The following KIF1C variants were observed in gnomAD, a reference collection of about 807,000 sequenced individuals.
KIF1C encodes the protein kinesin family member 1C.
In KIF1C, 61 loss-of-function variants were observed where a neutral mutation model predicts 126.5. The ratio of observed to expected loss-of-function variants is 0.48; its 90% CI spans 0.39 to 0.60. The LOEUF is 0.60. Among genes scored for constraint, KIF1C ranks in the 20% least tolerant of loss-of-function variants. The pLI is 0.00. For synonymous variants in KIF1C, 640 were observed against 580.6 expected (o/e 1.10, Z -1.47); for missense variants, 1,315 against 1,489.2 (o/e 0.88, Z 1.93).
intron 2 of KIF1C, 84 bp from the exon 3 acceptor site, chr17:5,000,136 G>C: frequency 1.3e-6 from 1 of 741,254 alleles, no homozygotes; most frequent in Non-Finnish European, 2.3e-6. Flanking sequence ...GATGTGAAGA[G>C]ACTGGTTCCG....
rs544549053 is a variant in KIF1C, at chr17:5,019,967, C to T, written c.1667-29C>T. Reference sequence around the variant, plus strand: ...GACCCACCTTCCTCCAGGGTCTAATCTTTCCCCTTCCTCTGCCCCTCCATT... The same window carrying T: ...GACCCACCTTCCTCCAGGGTCTAATTTTTCCCCTTCCTCTGCCCCTCCATT... On this transcript the variant is annotated intron_variant, in intron 18 of 22. Transcript: ENST00000320785. 2.9e-5 allele frequency: 46 copies of T among 1,566,114 alleles called. No individual in the cohort carries two copies. The Middle Eastern group carries it at 1.0e-3, about 34-fold the overall frequency.
Position 5,020,375 on chromosome 17 carries a change from G to C in KIF1C, c.1751-117G>C, listed in dbSNP as rs1975060771. ...ATAGGCTCCAACTGCCTTCAGACTT[G>C]GGGTGATGAAGGGGAGGGTGTCACA... On this transcript the variant is annotated intron_variant, in intron 19 of 22. Coordinates refer to ENST00000320785, the MANE Select transcript of KIF1C (RefSeq NM_006612.6). The surrounding 1 kb of genome is among the most constrained non-coding windows in gnomAD (Gnocchi z 5.8). The C allele has an allele frequency of 3.0e-5, 32 of 1,063,200 alleles. No individual in the cohort carries two copies. The South Asian group carries it at 4.7e-4, about 16-fold the overall frequency. The allele number at this position is 1,063,200 out of a possible 1,614,324, so 65.9% of individuals were successfully genotyped here. A position where few individuals can be genotyped will look rare whatever the true frequency, so the allele number is the denominator to read the frequency against.
Position 5,022,622 on chromosome 17 carries a change from G to A in KIF1C, c.2541G>A (p.Val847=). 7 of 1,607,018 alleles carry A rather than the reference G, an allele frequency of 4.4e-6. No individual in the cohort carries two copies. The highest frequency in any genetic ancestry group is 6.0e-6 in the Non-Finnish European group (7 of 1,176,258). ...IDKLTGILQE[V]KLQNSSKDRE... is the part of the protein sequence containing the mutation. ...AGCTGACGGGGATTCTGCAGGAGGT[G>A]AAGCTGCAGAACAGCAGCAAGGACC... The change falls in exon 22 of 23, where the codon GTG becomes GTA. Residue 847 remains valine (V), a synonymous_variant. Coordinates refer to ENST00000320785, the MANE Select transcript of KIF1C (RefSeq NM_006612.6). This position sits in a 1 kb window ranked among gnomAD's most constrained non-coding sequence, Gnocchi z 4.9.
intron 17 of KIF1C, 146 bp downstream of exon 17, chr17:5,013,878 C>T: frequency 1.1e-5 from 7 of 609,938 alleles, no homozygotes; most frequent in Non-Finnish European, 1.7e-5. Context: ...CCTGCACGCT[C>T]TCCCAGCTTC....
chr17:5,016,791 A>AGCTACTTAGGAG (rs1357318424), intron 18 of KIF1C, among the ~76,000 whole-genome samples: 2 of 151,590 alleles, frequency 1.3e-5, no homozygotes, highest in Non-Finnish European at 2.9e-5. Context: ...TTGTAATCCC[A>AGCTACTTAGGAG]GCTACTTAGG....
rs767357962 is a variant in KIF1C, at chr17:5,004,618, A to G, written c.992A>G (p.Asn331Ser). Residue 331 changes from asparagine to serine, a missense_variant, in exon 12 of 23, where the codon AAT (asparagine) becomes AGT (serine). Physicochemically the swap from Asn to Ser is conservative, Grantham distance 46. This residue lies in a region of KIF1C where 874 missense variants were observed against 1,053.2 expected (regional missense o/e 0.83). Transcript: ENST00000320785. ...MIAALSPADI[N>S]YEETLSTLRY... The stretch of plus-strand genomic sequence containing the variant: ...GCAGCCCTGAGCCCTGCTGACATCA[A>G]TTACGAGGAGACTCTCAGCACCCTC... 3.7e-6 allele frequency: 6 copies of G among 1,614,174 alleles called. No individual in the cohort carries two copies. The South Asian group carries it at 6.6e-5, about 18-fold the overall frequency.
At chr17:5,009,418 T>C (rs1254542482) in intron 16 of KIF1C, among the ~76,000 whole-genome samples, 1 of 151,898 alleles carries the variant, frequency 6.6e-6, no homozygotes. Flanking sequence ...GACCTCGTGA[T>C]CCACCCACTT....
At chr17:5,014,591 G>T (rs529676174) in intron 17 of KIF1C, 152 bp from the exon 18 acceptor site, 3 of 649,818 alleles carry the variant, frequency 4.6e-6, no homozygotes, top group Middle Eastern at 2.8e-4. Context: ...GAATGAACCC[G>T]GGCAAGCCAT....
chr17:4,998,567 C>T (rs975551748), intron 1 of KIF1C, among the ~76,000 whole-genome samples: 2 of 152,242 alleles, frequency 1.3e-5, no homozygotes, highest in African/African-American at 4.8e-5. Context: ...CCATCCCTGT[C>T]CCATTAGCTG....
intron 7 of KIF1C, 43 bp from the exon 8 acceptor site, chr17:5,002,688 A>T (rs1974626514): frequency 6.2e-7 from 1 of 1,612,572 alleles, no homozygotes; most frequent in Admixed American, 1.7e-5. Context: ...CAGGGTTGGG[A>T]AGGTGAGAGG....
rs1975119588 is a variant in KIF1C, at chr17:5,022,622, G to C, written c.2541G>C (p.Val847=). ...IDKLTGILQE[V]KLQNSSKDRE... ...AGCTGACGGGGATTCTGCAGGAGGTGAAGCTGCAGAACAGCAGCAAGGACC... is the reference window on the plus strand; with the variant it reads ...AGCTGACGGGGATTCTGCAGGAGGTCAAGCTGCAGAACAGCAGCAAGGACC... Residue 847 remains valine, a synonymous_variant, in exon 22 of 23, where the codon GTG becomes GTC. Coordinates refer to ENST00000320785, the MANE Select transcript of KIF1C (RefSeq NM_006612.6). The surrounding 1 kb of genome is among the most constrained non-coding windows in gnomAD (Gnocchi z 4.9). 19 of 1,606,900 alleles carry C rather than the reference G, an allele frequency of 1.2e-5. No homozygotes were observed. Among genetic ancestry groups the C allele is most frequent in the Non-Finnish European group, 1.6e-5 (19 of 1,176,266 alleles).
intron 21 of KIF1C, among the ~76,000 whole-genome samples, chr17:5,021,560 G>A (rs1248343409): frequency 1.3e-4 from 20 of 152,034 alleles, no homozygotes; most frequent in Admixed American, 1.3e-3. Context: ...GCTCACTGCA[G>A]CCTCGAACTC....
rs905447373 is a variant in KIF1C at position 5,000,795 on chromosome 17, A to G, written c.130A>G (p.Lys44Glu). 11 of 1,613,870 alleles carry G rather than the reference A, an allele frequency of 6.8e-6. No homozygotes were observed. Among genetic ancestry groups the G allele is most frequent in the East Asian group, 4.5e-5 (2 of 44,892 alleles). Residue 44 changes from lysine to glutamate, a missense_variant, in exon 4 of 23, where the codon AAG becomes GAG. Physicochemically the swap from Lys to Glu is moderately conservative, Grantham distance 56. Coordinates refer to ENST00000320785, the MANE Select transcript of KIF1C (RefSeq NM_006612.6). ...AGCCATCATCAATCCTAAACAGAGCAAGGATGCCCCCAAAAGCTTCACCTT... is the reference window on the plus strand; with the variant it reads ...AGCCATCATCAATCCTAAACAGAGCGAGGATGCCCCCAAAAGCTTCACCTT... ...TTSIINPKQS[K>E]DAPKSFTFDY...
At chr17:5,002,426 GC>G (rs1304386721) in intron 6 of KIF1C, 37 bp from the exon 7 acceptor site, 2 of 1,541,462 alleles carry the variant, frequency 1.3e-6, no homozygotes, top group Admixed American at 3.8e-5. Flanking sequence ...CATTGTTTTT[GC>G]TAGTTTTGTT....
intron 13 of KIF1C, 74 bp from the exon 14 acceptor site, chr17:5,006,841 C>G: frequency 6.7e-7 from 1 of 1,485,842 alleles, no homozygotes; most frequent in Non-Finnish European, 9.3e-7. Flanking sequence ...CTGTGAAGCT[C>G]TTGGTCTCCT....
chr17:5,020,895 G>A lies in KIF1C; in HGVS notation c.2010+17G>A, dbSNP rs772127543. 2.1e-5 allele frequency: 33 copies of A among 1,564,632 alleles called. 1 individual carries two copies. In the South Asian group the frequency reaches 2.9e-4, roughly 14 times the overall value. On this transcript the variant is annotated intron_variant, in intron 21 of 22. Coordinates refer to ENST00000320785, the MANE Select transcript of KIF1C (RefSeq NM_006612.6). This position sits in a 1 kb window ranked among gnomAD's most constrained non-coding sequence, Gnocchi z 5.8. ...CAGCGACTGGTGAGGGGCAGCAGGG[G>A]CTGGGGATGGGCTGATGGGCAGATG... is the stretch of plus-strand genomic sequence containing the variant.
Position 5,013,662 on chromosome 17 carries a change from C to G in KIF1C, c.1501C>G (p.Leu501Val), listed in dbSNP as rs1974912956. 6.2e-7 allele frequency: 1 copy of G among 1,613,614 alleles called. No homozygotes were observed. The highest frequency in any genetic ancestry group is 8.5e-7 in the Non-Finnish European group (1 of 1,179,576). The change falls in exon 17 of 23, where the codon CTG becomes GTG. Residue 501 changes from leucine to valine, a missense_variant. Physicochemically the swap from Leu to Val is conservative, Grantham distance 32. Around this residue, in one of 2 missense-constraint regions of KIF1C, gnomAD observed 874 missense variants for 1,053.2 expected, o/e 0.83. Transcript: ENST00000320785. ...GVFSPKKTPHLVNLNEDPLMS... is the reference protein window; with the variant it reads ...GVFSPKKTPHVVNLNEDPLMS... ...TTCTCTCCCCGCTTAGACTCCCCAC[C>G]TGGTGAACCTGAACGAAGACCCTCT...
Position 5,024,255 on chromosome 17 carries a change from A to T in KIF1C, c.*104A>T. ...AAGTGCTGGGGCAGGGAGGCCCAGGAGATGAGAGAGAAGGTCCGAGTAGGT... is the reference window on the plus strand; with the variant it reads ...AAGTGCTGGGGCAGGGAGGCCCAGGTGATGAGAGAGAAGGTCCGAGTAGGT... On this transcript the variant is annotated 3_prime_UTR_variant, in exon 23 of 23. Transcript: ENST00000320785. 1 of 819,488 alleles carries T rather than the reference A, an allele frequency of 1.2e-6. No homozygotes were observed. The highest frequency in any genetic ancestry group is 2.7e-5 in the East Asian group (1 of 36,438). The allele number at this position is 819,488 out of a possible 1,614,324, so 50.8% of individuals were successfully genotyped here. A position where few individuals can be genotyped will look rare whatever the true frequency, so the allele number is the denominator to read the frequency against.
chr17:5,013,611 C>T lies in KIF1C; in HGVS notation c.1492-42C>T, dbSNP rs746193715. ...CTCCCTTTCTTCCTTTCTATAGCAC[C>T]CCTGGCTGGCTCCCCCTGACCACCT... On this transcript the variant is annotated intron_variant, in intron 16 of 22. Coordinates refer to ENST00000320785, the MANE Select transcript of KIF1C (RefSeq NM_006612.6). 3 of 1,448,402 alleles carry T rather than the reference C, an allele frequency of 2.1e-6. No homozygotes were observed. In the Admixed American group the frequency reaches 5.1e-5, roughly 24 times the overall value. The allele number at this position is 1,448,402 out of a possible 1,614,324, so 89.7% of individuals were successfully genotyped here.
Sources: allele counts gnomAD v4.1 joint callset (sites outside exome capture counted in the v4.1 genomes callset), GRCh38; gene constraint gnomAD v4.1.1; regional missense constraint gnomAD v4.1.1; non-coding constraint Gnocchi (gnomAD v3.1); transcripts MANE v1.5; gene names NCBI Gene and HGNC (gene_info 2026-07-23, HGNC 2026-07-21).